CIT: variants seen among roughly 807,000 people sequenced by gnomAD.
The protein encoded by CIT is citron Rho-interacting kinase.
CIT carries 79 observed loss-of-function variants against 272.7 expected under a neutral mutation model. The ratio of observed to expected loss-of-function variants is 0.29; its 90% confidence interval spans 0.24 to 0.35. CIT has a LOEUF of 0.35. CIT is among the 10% of genes least tolerant of loss of function. CIT has a pLI of 1.00. For synonymous variants in CIT, 948 were observed against 995.6 expected (o/e 0.95, Z 0.90); for missense variants, 1,909 against 2,618.3 (o/e 0.73, Z 5.91).
intron 12 of CIT, 164 bp from the exon 13 acceptor site, chr12:119,782,801 G>C: frequency 2.8e-6 from 2 of 723,680 alleles, no homozygotes; most frequent in Non-Finnish European, 4.3e-6. Flanking sequence ...TTTCCATCCT[G>C]TAAAACCCCT....
At chr12:119,705,203 A>G (rs774441194) in intron 40 of CIT, among the ~76,000 whole-genome samples, 15 of 152,162 alleles carry the variant, frequency 9.9e-5, no homozygotes, top group Non-Finnish European at 2.1e-4. Flanking sequence ...GTGAACCACC[A>G]CACCCGGCCC....
At chr12:119,834,528 C>T (rs1968865269) in intron 5 of CIT, among the ~76,000 whole-genome samples, 1 of 152,198 alleles carries the variant, frequency 6.6e-6, no homozygotes, top group African/African-American at 2.4e-5. Flanking sequence ...AGTTGACACC[C>T]CAGACATTCC....
intron 44 of CIT, among the ~76,000 whole-genome samples, chr12:119,699,233 G>T (rs981602915): frequency 7.2e-6 from 1 of 139,054 alleles, no homozygotes; most frequent in Non-Finnish European, 1.5e-5. Context: ...TACAGCCTGG[G>T]CAACAAGAGT....
intron 10 of CIT, among the ~76,000 whole-genome samples, chr12:119,785,320 G>C (rs971214359): frequency 6.6e-6 from 1 of 152,136 alleles, no homozygotes; most frequent in Non-Finnish European, 1.5e-5. Context: ...AGATTCTCCT[G>C]GGATATCTGG....
intron 15 of CIT, 109 bp downstream of exon 15, chr12:119,776,249 C>G (rs2137634690): frequency 2.4e-6 from 2 of 843,094 alleles, no homozygotes; most frequent in African/African-American, 1.7e-5. Context: ...AGAGAGGTCT[C>G]TATTCATTGA....
intron 44 of CIT, among the ~76,000 whole-genome samples, chr12:119,699,567 G>A (rs569304142): frequency 1.3e-5 from 2 of 152,336 alleles, no homozygotes; most frequent in South Asian, 2.1e-4. Context: ...AAGTGAGCAC[G>A]CTTGCCAGCT....
chr12:119,726,985 G>T (rs1238709975), intron 28 of CIT, among the ~76,000 whole-genome samples: 2 of 152,094 alleles, frequency 1.3e-5, no homozygotes, highest in African/African-American at 4.8e-5. Flanking sequence ...ATGAAATTTG[G>T]TACTCAGAAT....
At position 119,876,120 on chromosome 12, in the gene CIT, C is replaced by T; in HGVS notation, c.49G>A (p.Ala17Thr). ...GAGGCCCGGCTGGCAATGGGTTCAG[C>T]AGCACCAGCATCCAAAGGATTCCGC... ...GARNPLDAGAAEPIASRASRL... is the reference protein window; with the variant it reads ...GARNPLDAGATEPIASRASRL... Residue 17 changes from alanine to threonine, a missense_variant, in exon 2 of 48, where the codon GCT (alanine) becomes ACT (threonine). Physicochemically the swap from Ala to Thr is moderately conservative, Grantham distance 58. Coordinates refer to ENST00000392521, the MANE Select transcript of CIT (RefSeq NM_001206999.2). 6.2e-7 allele frequency: 1 copy of T among 1,614,022 alleles called. No individual in the cohort carries two copies. Among genetic ancestry groups the T allele is most frequent in the Non-Finnish European group, 8.5e-7 (1 of 1,179,934 alleles).
At chr12:119,858,467 A>T (rs1385992444) in intron 3 of CIT, among the ~76,000 whole-genome samples, 1 of 150,806 alleles carries the variant, frequency 6.6e-6, no homozygotes, top group African/African-American at 2.4e-5. Flanking sequence ...CAATGAGCTG[A>T]GATTGTGCCA....
At position 119,710,984 on chromosome 12, in the gene CIT, G is replaced by T. The variant is rs1957132322; in HGVS notation, c.4855-364C>A. 8 of 1,282,798 alleles carry T rather than the reference G, an allele frequency of 6.2e-6. No individual in the cohort carries two copies. In the South Asian group the frequency reaches 9.3e-5, roughly 15 times the overall value. 79.5% of individuals were successfully genotyped at this position (1,282,798 alleles called of 1,614,324 possible). On this transcript the variant is annotated intron_variant, in intron 37 of 47. Coordinates refer to ENST00000392521, the MANE Select transcript of CIT (RefSeq NM_001206999.2). This position sits in a 1 kb window ranked among gnomAD's most constrained non-coding sequence, Gnocchi z 5.6. ...ACATGAAAGACTCCTTCCCCCATAA[G>T]GCTGCAGCAGAAGTGCAAAGGCGCC... is the stretch of plus-strand genomic sequence containing the variant.
chr12:119,830,849 T>G (rs1341956971), intron 7 of CIT, among the ~76,000 whole-genome samples: 1 of 152,240 alleles, frequency 6.6e-6, no homozygotes, highest in Admixed American at 6.5e-5. Context: ...CATGATTTTT[T>G]TTTAATTTCA....
chr12:119,853,559 G>T (rs900878830), intron 4 of CIT, among the ~76,000 whole-genome samples: 27 of 152,040 alleles, frequency 1.8e-4, no homozygotes, highest in African/African-American at 6.0e-4. Context: ...GATTACAGGC[G>T]TGAGCAAAGT....
chr12:119,854,662 T>C lies in CIT; in HGVS notation c.414+2861A>G, dbSNP rs905955357. Among the ~76,000 whole-genome samples the C allele has an allele frequency of 4.7e-5, 7 of 148,290 alleles. No individual in the cohort carries two copies. The Admixed American group carries it at 4.7e-4, about 10-fold the overall frequency. The stretch of plus-strand genomic sequence containing the variant: ...AAATAAAACAATGTTTTTAAAATAA[T>C]AAAGTGGGCCGGGCACGGTGGCTCA... On this transcript the variant is annotated intron_variant, in intron 4 of 47. Transcript: ENST00000392521.
chr12:119,850,185 G>T lies in CIT; in HGVS notation c.505C>A (p.His169Asn). 2 of 1,602,740 alleles carry T rather than the reference G, an allele frequency of 1.2e-6. No homozygotes were observed. The highest frequency in any genetic ancestry group is 1.7e-6 in the Non-Finnish European group (2 of 1,169,806). The change falls in exon 5 of 48, where the codon CAC (histidine) becomes AAC (asparagine). Residue 169 changes from histidine (H) to asparagine (N), a missense_variant. By Grantham distance (68) the His-to-Asn change is moderately conservative. Around this residue, in one of 8 missense-constraint regions of CIT, gnomAD observed 529 missense variants for 549.6 expected, o/e 0.96. Transcript: ENST00000392521. Reference sequence around the variant, plus strand: ...ATGTAAAGACTCACCAGATAAAGGTGATTTTTGTCCTGAAAGGCATACTGT... The same window carrying T: ...ATGTAAAGACTCACCAGATAAAGGTTATTTTTGTCCTGAAAGGCATACTGT... ...QLQYAFQDKN[H>N]LYLVMEYQPG...
chr12:119,760,877 G>A (rs1961697743), intron 20 of CIT, 62 bp downstream of exon 20: 1 of 1,040,194 alleles, frequency 9.6e-7, no homozygotes, highest in Non-Finnish European at 1.5e-6. Context: ...TATCAGGGGT[G>A]ATTCTTGGCA....
intron 41 of CIT, 103 bp downstream of exon 41, chr12:119,704,260 C>A: frequency 9.4e-7 from 1 of 1,063,640 alleles, no homozygotes; most frequent in Non-Finnish European, 1.4e-6. Flanking sequence ...TAGAAGGAAC[C>A]CAGTACAGGC....
In CIT at chr12:119,772,703, G is replaced by A. The variant is rs1412751913; in HGVS notation, c.2082+67C>T. 4 of 1,480,606 alleles carry A rather than the reference G, an allele frequency of 2.7e-6. No homozygotes were observed. In the Admixed American group the frequency reaches 9.5e-5, roughly 35 times the overall value. The allele number at this position is 1,480,606 out of a possible 1,614,324, so 91.7% of individuals were successfully genotyped here. On this transcript the variant is annotated intron_variant, in intron 17 of 47. Coordinates refer to ENST00000392521, the MANE Select transcript of CIT (RefSeq NM_001206999.2). Reference sequence around the variant, plus strand: ...AACATAAGCAAGTGATGGTCTGGCAGTTTCTTTCCTTGGGCACAGCCAAAG... The same window carrying A: ...AACATAAGCAAGTGATGGTCTGGCAATTTCTTTCCTTGGGCACAGCCAAAG...
At chr12:119,836,342 G>C (rs943138540) in intron 5 of CIT, among the ~76,000 whole-genome samples, 1 of 148,462 alleles carries the variant, frequency 6.7e-6, no homozygotes, top group Non-Finnish European at 1.5e-5. Flanking sequence ...ACTTAGAAGG[G>C]GGCAGCACCT....
Position 119,755,341 on chromosome 12 carries a change from T to C in CIT, c.2706+2030A>G, listed in dbSNP as rs1181311079. Among the ~76,000 whole-genome samples, 6 of 152,222 alleles carry C rather than the reference T, an allele frequency of 3.9e-5. No homozygotes were observed. In the East Asian group the frequency reaches 9.6e-4, roughly 24 times the overall value. ...CCCCTAAAAAACATGAGATAACACA[T>C]TGTTACTGTCCCTTGGAGAACTGAC... is the stretch of plus-strand genomic sequence containing the variant. On this transcript the variant is annotated intron_variant, in intron 22 of 47. Transcript: ENST00000392521.
Sources: allele counts gnomAD v4.1 joint callset (sites outside exome capture counted in the v4.1 genomes callset), GRCh38; gene constraint gnomAD v4.1.1; regional missense constraint gnomAD v4.1.1; non-coding constraint Gnocchi (gnomAD v3.1); transcripts MANE v1.5; gene names NCBI Gene and HGNC (gene_info 2026-07-23, HGNC 2026-07-21).